The following PIK3C2A variants were observed in gnomAD, a reference collection of about 807,000 sequenced individuals.
The protein encoded by PIK3C2A is phosphatidylinositol-4-phosphate 3-kinase catalytic subunit type 2 alpha.
A neutral mutation model predicts 204.5 loss-of-function variants in PIK3C2A; 97 were observed. That is an observed-to-expected ratio of 0.47 (90% CI 0.40 to 0.56). PIK3C2A has a LOEUF of 0.56. Ranked by LOEUF, PIK3C2A falls within the 20% of genes least tolerant of loss-of-function variation. The pLI, the probability that PIK3C2A is intolerant of heterozygous loss-of-function variation, is 0.00. For missense variants in PIK3C2A, 1,735 were observed against 1,969.2 expected (o/e 0.88, Z 2.25); for synonymous variants, 653 against 664.4 (o/e 0.98, Z 0.26).
At chr11:17,131,602 T>C (rs1849696798) in intron 12 of PIK3C2A, among the ~76,000 whole-genome samples, 2 of 152,028 alleles carry the variant, frequency 1.3e-5, no homozygotes. Flanking sequence ...TTTGTATTTT[T>C]AGTAGAGACG....
chr11:17,180,073 A>T (rs954040560), intron 1 of PIK3C2A, among the ~76,000 whole-genome samples: 1 of 152,184 alleles, frequency 6.6e-6, no homozygotes, highest in African/African-American at 2.4e-5. Flanking sequence ...GCAAAAAAGC[A>T]CCAATGAATG....
chr11:17,116,441 T>G (rs985565002), intron 19 of PIK3C2A, among the ~76,000 whole-genome samples: 7 of 152,170 alleles, frequency 4.6e-5, no homozygotes, highest in African/African-American at 1.7e-4. Context: ...ATATTGCTGG[T>G]GGGAATGTAA....
At chr11:17,093,375 T>C (rs1590892577) in intron 28 of PIK3C2A, among the ~76,000 whole-genome samples, 1 of 152,200 alleles carries the variant, frequency 6.6e-6, no homozygotes, top group Non-Finnish European at 1.5e-5. Flanking sequence ...CACGCCATTC[T>C]CCTGCCTCAG....
At chr11:17,152,260 T>C (rs1282407693) in intron 3 of PIK3C2A, among the ~76,000 whole-genome samples, 1 of 152,178 alleles carries the variant, frequency 6.6e-6, no homozygotes, top group Non-Finnish European at 1.5e-5. Flanking sequence ...ATAATGAGTC[T>C]TTTTTGTATT....
rs1441223106 is a variant in PIK3C2A at position 17,145,745 on chromosome 11, C to CAGTT, written c.1641-18_1641-15dup. ...TCAACAGGGTGTCTGAAAGAAACAA[C>CAGTT]AGTTATTGTGGCTGAAGGATGCTAC... On this transcript the variant is annotated splice_polypyrimidine_tract_variant and intron_variant, in intron 7 of 32. Coordinates refer to ENST00000691414, the MANE Select transcript of PIK3C2A (RefSeq NM_002645.4). 4 of 1,594,494 alleles carry CAGTT rather than the reference C, an allele frequency of 2.5e-6. No individual in the cohort carries two copies. The African/African-American group carries it at 5.4e-5, about 21-fold the overall frequency.
intron 6 of PIK3C2A, among the ~76,000 whole-genome samples, chr11:17,147,292 C>T (rs1361162934): frequency 6.6e-6 from 1 of 152,110 alleles, no homozygotes; most frequent in Non-Finnish European, 1.5e-5. Context: ...ATTTTAATTT[C>T]TCCACTTTGA....
chr11:17,170,171 A>T (rs1042831718), intron 1 of PIK3C2A, among the ~76,000 whole-genome samples: 5 of 152,244 alleles, frequency 3.3e-5, no homozygotes, highest in African/African-American at 4.8e-5. Flanking sequence ...TATTTTCAAC[A>T]GTTCAGACAG....
chr11:17,130,848 A>G (rs2137376777), intron 12 of PIK3C2A, among the ~76,000 whole-genome samples: 1 of 152,122 alleles, frequency 6.6e-6, no homozygotes, highest in Admixed American at 6.5e-5. Flanking sequence ...ACTATTTAAA[A>G]AATATGAATA....
At chr11:17,171,093 A>G (rs533892132) in intron 1 of PIK3C2A, among the ~76,000 whole-genome samples, 1 of 151,994 alleles carries the variant, frequency 6.6e-6, no homozygotes, top group East Asian at 1.9e-4. Flanking sequence ...ACAGAGAGAG[A>G]CTCCGTCTCA....
chr11:17,134,573 C>T (rs781047315), intron 11 of PIK3C2A, among the ~76,000 whole-genome samples: 4 of 152,176 alleles, frequency 2.6e-5, no homozygotes, highest in Admixed American at 6.5e-5. Context: ...GTTTGTCAGG[C>T]TGGTCTCGAA....
chr11:17,102,735 T>G lies in PIK3C2A; in HGVS notation c.3778A>C (p.Ser1260Arg). ...TCAATGTGAAACATGTGTCCCGTGCTTCGAAGCATTATATTGTCATTGTGT... is the reference window on the plus strand; with the variant it reads ...TCAATGTGAAACATGTGTCCCGTGCGTCGAAGCATTATATTGTCATTGTGT... ...DRHNDNIMLR[S>R]TGHMFHIDFG... Residue 1260 changes from serine (S) to arginine (R), a missense_variant, in exon 24 of 33, where the codon AGC becomes CGC. Ser to Arg is a moderately radical substitution (Grantham distance 110). Around this residue, in one of 6 missense-constraint regions of PIK3C2A, gnomAD observed 503 missense variants for 669.0 expected, o/e 0.75. Transcript: ENST00000691414. 6.2e-7 allele frequency: 1 copy of G among 1,613,912 alleles called. No homozygotes were observed. Among genetic ancestry groups the G allele is most frequent in the Non-Finnish European group, 8.5e-7 (1 of 1,179,832 alleles).
At chr11:17,164,504 A>G (rs1850885358) in intron 2 of PIK3C2A, among the ~76,000 whole-genome samples, 1 of 152,224 alleles carries the variant, frequency 6.6e-6, no homozygotes, top group Admixed American at 6.5e-5. Flanking sequence ...CTGCCTTAAG[A>G]CTGGCAAGTA....
intron 31 of PIK3C2A, 43 bp from the exon 32 acceptor site, chr11:17,091,502 A>C (rs1174407287): frequency 2.5e-6 from 4 of 1,610,346 alleles, no homozygotes; most frequent in Non-Finnish European, 2.5e-6. Flanking sequence ...CTTCCTACCA[A>C]GGTAAGGGTT....
At chr11:17,111,551 T>C (rs936622641) in intron 21 of PIK3C2A, among the ~76,000 whole-genome samples, 1 of 151,992 alleles carries the variant, frequency 6.6e-6, no homozygotes, top group Non-Finnish European at 1.5e-5. Context: ...AAGAAAATTA[T>C]GGAAAAGAAT....
At chr11:17,109,478 G>C (rs1307291007) in intron 22 of PIK3C2A, among the ~76,000 whole-genome samples, 1 of 152,208 alleles carries the variant, frequency 6.6e-6, no homozygotes, top group Non-Finnish European at 1.5e-5. Flanking sequence ...TAGTAAGATA[G>C]AAATCTGCTA....
chr11:17,089,816 T>C lies in PIK3C2A; in HGVS notation c.4983A>G (p.Val1661=). The change falls in exon 33 of 33, where the codon GTA becomes GTG. Residue 1661 remains valine (V), a synonymous_variant. Transcript: ENST00000691414. ...SLRENFFLGG[V]TLPLKDFNLS... ...AGTTGAAATCTTTCAAAGGCAGGGT[T>C]ACTCCACCCAAGAAAAAATTCTCCC... 6.2e-7 allele frequency: 1 copy of C among 1,613,942 alleles called. No individual in the cohort carries two copies. The highest frequency in any genetic ancestry group is 8.5e-7 in the Non-Finnish European group (1 of 1,179,798).
intron 8 of PIK3C2A, among the ~76,000 whole-genome samples, chr11:17,142,419 A>C (rs1353670018): frequency 6.6e-6 from 1 of 152,176 alleles, no homozygotes; most frequent in Non-Finnish European, 1.5e-5. Flanking sequence ...CAGAGCAGCT[A>C]ATGGAAATAA....
At chr11:17,109,054 G>C (rs1848916303) in intron 22 of PIK3C2A, among the ~76,000 whole-genome samples, 1 of 152,228 alleles carries the variant, frequency 6.6e-6, no homozygotes, top group Non-Finnish European at 1.5e-5. Context: ...ACACAGGATA[G>C]AATGAACCGC....
chr11:17,130,216 G>GA (rs1217985087), intron 12 of PIK3C2A, among the ~76,000 whole-genome samples: 1 of 151,356 alleles, frequency 6.6e-6, no homozygotes. Context: ...TCCCTCCCAT[G>GA]AAAAAAAGAA....
Sources: allele counts gnomAD v4.1 joint callset (sites outside exome capture counted in the v4.1 genomes callset), GRCh38; gene constraint gnomAD v4.1.1; regional missense constraint gnomAD v4.1.1; transcripts MANE v1.5; gene names NCBI Gene and HGNC (gene_info 2026-07-23, HGNC 2026-07-21).